KLRD1: variants seen among roughly 807,000 people sequenced by gnomAD.
KLRD1 encodes killer cell lectin like receptor D1.
Under a neutral mutation model 22.6 loss-of-function variants are expected in KLRD1, and 21 were observed. The observed-to-expected ratio is 0.93, with a 90% CI of 0.66 to 1.34. The LOEUF (loss-of-function observed/expected upper bound fraction) is 1.34. KLRD1 is among the 40% of genes most tolerant of loss of function. KLRD1 has a pLI of 0.00. For missense variants in KLRD1, 183 were observed against 208.6 expected, an observed-to-expected ratio of 0.88 and a Z score of 0.76; for synonymous variants, 59 against 71.1, an observed-to-expected ratio of 0.83 and a Z score of 0.85.
intron 1 of KLRD1, among the ~76,000 whole-genome samples, chr12:10,286,527 A>G (rs1182225895): frequency 1.3e-5 from 2 of 152,216 alleles, no homozygotes; most frequent in Non-Finnish European, 2.9e-5. Context: ...CAAACATTTG[A>G]AACTACTCAC....
chr12:10,243,774 G>A (rs1043619562), intron 1 of KLRD1, among the ~76,000 whole-genome samples: 2 of 152,066 alleles, frequency 1.3e-5, no homozygotes, highest in African/African-American at 4.8e-5. Flanking sequence ...GTGTTATAAT[G>A]TGAAATAGTG....
At chr12:10,293,429 G>C (rs1209597893) in intron 1 of KLRD1, among the ~76,000 whole-genome samples, 1 of 151,602 alleles carries the variant, frequency 6.6e-6, no homozygotes, top group Non-Finnish European at 1.5e-5. Context: ...GTGTTGTTGT[G>C]TTTCAGGGAA....
chr12:10,267,016 T>C (rs888581333), intron 1 of KLRD1, among the ~76,000 whole-genome samples: 2 of 152,006 alleles, frequency 1.3e-5, no homozygotes, highest in African/African-American at 4.8e-5. Context: ...ATGTGCCATG[T>C]TGGTGTGCTG....
chr12:10,313,224 A>C (rs563319688), intron 4 of KLRD1, among the ~76,000 whole-genome samples, 186 bp from the exon 5 acceptor site: 56 of 152,198 alleles, frequency 3.7e-4, no homozygotes, highest in South Asian at 1.2e-3. Context: ...TCCATATATG[A>C]ATGGGCCTGA....
intron 1 of KLRD1, among the ~76,000 whole-genome samples, chr12:10,280,407 AATAT>A (rs1374189972): frequency 6.6e-6 from 1 of 152,224 alleles, no homozygotes; most frequent in African/African-American, 2.4e-5. Context: ...ATTCTAGGAA[AATAT>A]ACAGCAGAAT....
chr12:10,299,442 C>T (rs933858505), intron 1 of KLRD1, among the ~76,000 whole-genome samples: 2 of 152,174 alleles, frequency 1.3e-5, no homozygotes, highest in African/African-American at 2.4e-5. Flanking sequence ...AAATAAGTCA[C>T]ACAAATGTTT....
Position 10,251,259 on chromosome 12 carries a change from C to T in KLRD1, c.-101+25026C>T, listed in dbSNP as rs149317588. 3.7e-3 allele frequency among the ~76,000 whole-genome samples: 566 copies of T among 152,020 alleles called. 11 individuals are homozygous for T. The East Asian group carries it at 0.064, about 17-fold the overall frequency. Reference sequence around the variant, plus strand: ...CCTGCCTTGGCCTCCCGAGTAGCTGCGATTACAGGCAAGCACCACCAAGCC... The same window carrying T: ...CCTGCCTTGGCCTCCCGAGTAGCTGTGATTACAGGCAAGCACCACCAAGCC... On this transcript the variant is annotated intron_variant, in intron 1 of 5. Transcript: ENST00000544747.
At chr12:10,240,121 C>T (rs553797453) in intron 1 of KLRD1, among the ~76,000 whole-genome samples, 24 of 151,712 alleles carry the variant, frequency 1.6e-4, no homozygotes, top group Non-Finnish European at 2.1e-4. Flanking sequence ...AGTGCAGTGG[C>T]GTGATCTCAG....
intron 1 of KLRD1, among the ~76,000 whole-genome samples, chr12:10,251,820 A>G (rs971620998): frequency 2.0e-5 from 3 of 152,130 alleles, no homozygotes; most frequent in African/African-American, 2.4e-5. Flanking sequence ...ATGAGAATCA[A>G]ATGCCTCTGC....
At position 10,321,562 on chromosome 12, in the gene KLRD1, G is replaced by A. The variant is rs1279761255; in HGVS notation, c.*6769G>A. The A allele has an allele frequency of 6.6e-6, 1 of 152,200 alleles. No individual in the cohort carries two copies. Among genetic ancestry groups the A allele is most frequent in the African/African-American group, 2.4e-5 (1 of 41,438 alleles). The allele number at this position is 152,200 out of a possible 1,614,324, so 9.4% of individuals were successfully genotyped here. On this transcript the variant is annotated 3_prime_UTR_variant, in exon 6 of 6. Transcript: ENST00000336164. Reference sequence around the variant, plus strand: ...TGATATAATCAATTACATTGTATAAGGGTTGATCACTGTGACCAAGAGAAT... The same window carrying A: ...TGATATAATCAATTACATTGTATAAAGGTTGATCACTGTGACCAAGAGAAT...
At chr12:10,307,806 T>C (rs1949957198), upstream of KLRD1, 4 of 384,270 alleles carry the variant, frequency 1.0e-5, no homozygotes, top group East Asian at 4.0e-5. Flanking sequence ...GCAAAAGTAC[T>C]GTGAGAATTT....
At position 10,316,083 on chromosome 12, in the gene KLRD1, A is replaced by G. The variant is rs910083070; in HGVS notation, c.*1290A>G. On this transcript the variant is annotated 3_prime_UTR_variant, in exon 6 of 6. Coordinates refer to ENST00000336164, the MANE Select transcript of KLRD1 (RefSeq NM_002262.5). ...CAGTGAGTCGAGATTGCACCACTGC[A>G]CTCCAGCCTGGGTGACAGAGCCAGA... 1.5e-5 allele frequency: 2 copies of G among 134,962 alleles called. No homozygotes were observed. The highest frequency in any genetic ancestry group is 5.8e-5 in the African/African-American group (2 of 34,270). The allele number at this position is 134,962 out of a possible 1,614,324, so 8.4% of individuals were successfully genotyped here.
intron 1 of KLRD1, among the ~76,000 whole-genome samples, chr12:10,260,879 T>A (rs1949446963): frequency 6.6e-6 from 1 of 151,920 alleles, no homozygotes; most frequent in Admixed American, 6.6e-5. Context: ...GAGGTGGAGC[T>A]TGCAGTGAGC....
chr12:10,250,025 T>A (rs965484582), intron 1 of KLRD1, among the ~76,000 whole-genome samples: 2 of 152,160 alleles, frequency 1.3e-5, no homozygotes, highest in African/African-American at 4.8e-5. Flanking sequence ...TCACTTGTTG[T>A]ACATACGTTG....
At chr12:10,258,152 T>C (rs1254283885) in intron 1 of KLRD1, among the ~76,000 whole-genome samples, 1 of 152,180 alleles carries the variant, frequency 6.6e-6, no homozygotes, top group Non-Finnish European at 1.5e-5. Context: ...CAGTTTTTCC[T>C]TACTTACCCC....
intron 1 of KLRD1, among the ~76,000 whole-genome samples, chr12:10,266,864 TC>T (rs1949504040): frequency 6.3e-5 from 1 of 15,966 alleles, no homozygotes; most frequent in South Asian, 5.7e-3. Context: ...CAGCCTTATT[TC>T]TTTTTTTTGT....
chr12:10,304,268 T>C (rs1403982204), upstream of KLRD1, among the ~76,000 whole-genome samples: 6 of 152,212 alleles, frequency 3.9e-5, no homozygotes. Flanking sequence ...GGTCTCTTAA[T>C]GGTGTTTGTG....
chr12:10,293,419 GTGT>G (rs985441425), intron 1 of KLRD1, among the ~76,000 whole-genome samples: 4 of 151,612 alleles, frequency 2.6e-5, no homozygotes, highest in African/African-American at 9.7e-5. Context: ...CCTAATTTCA[GTGT>G]TGTTGTGTTT....
At chr12:10,308,354 G>A (rs1178274756) in intron 1 of KLRD1, 3 of 453,520 alleles carry the variant, frequency 6.6e-6, no homozygotes, top group Non-Finnish European at 1.2e-5. Flanking sequence ...CTGAACTTTA[G>A]CCTGGTTAAA....
Sources: allele counts gnomAD v4.1 joint callset (sites outside exome capture counted in the v4.1 genomes callset), GRCh38; gene constraint gnomAD v4.1.1; transcripts MANE v1.5; gene names NCBI Gene and HGNC (gene_info 2026-07-23, HGNC 2026-07-21).